Variants in MYADM observed in about 807,000 individuals in gnomAD.
MYADM encodes myeloid-associated differentiation marker.
For missense variants in MYADM, 416 were observed against 443.4 expected (o/e 0.94, Z 0.56); for synonymous variants, 224 against 210.2 (o/e 1.07, Z -0.57).
chr19:53,872,497 T>C (rs2068412021), intron 2 of MYADM, among the ~76,000 whole-genome samples: 1 of 151,160 alleles, frequency 6.6e-6, no homozygotes, highest in Non-Finnish European at 1.5e-5. Context: ...ACCCGGCCTA[T>C]TTGTAATTAA....
chr19:53,873,399 AAGCCCC>A lies in MYADM; in HGVS notation c.-2-127_-2-122del. ...AAAAAAAAAAAGAAAAGAAAACCGAAAGCCCCACATCTTGGGAACTCCCTAATTAGA... is the reference window on the plus strand; with the variant it reads ...AAAAAAAAAAAGAAAAGAAAACCGAAACATCTTGGGAACTCCCTAATTAGA... On this transcript the variant is annotated intron_variant, in intron 2 of 2. Transcript: ENST00000391770. This position sits in a 1 kb window ranked among gnomAD's most constrained non-coding sequence, Gnocchi z 4.3. The A allele has an allele frequency of 9.8e-7, 1 of 1,024,736 alleles. No individual in the cohort carries two copies. The highest frequency in any genetic ancestry group is 1.4e-6 in the Non-Finnish European group (1 of 702,416). 63.5% of individuals were successfully genotyped at this position (1,024,736 alleles called of 1,614,324 possible). A position where few individuals can be genotyped will look rare whatever the true frequency, so the allele number is the denominator to read the frequency against.
In MYADM at chr19:53,873,704, G is replaced by T; in HGVS notation, c.175G>T (p.Ala59Ser). 1 of 1,614,022 alleles carries T rather than the reference G, an allele frequency of 6.2e-7. No homozygotes were observed. Among genetic ancestry groups the T allele is most frequent in the Non-Finnish European group, 8.5e-7 (1 of 1,180,014 alleles). The change falls in exon 3 of 3, where the codon GCC becomes TCC. Residue 59 changes from alanine (A) to serine (S), a missense_variant. Physicochemically the swap from Ala to Ser is moderately conservative, Grantham distance 99. Coordinates refer to ENST00000391770, the MANE Select transcript of MYADM (RefSeq NM_138373.5). This position sits in a 1 kb window ranked among gnomAD's most constrained non-coding sequence, Gnocchi z 4.3. ...CTTCTCGCTGGTGGCTAGCGTGGGC[G>T]CCTGGACGGGGTCCATGGGCAACTG... is the stretch of plus-strand genomic sequence containing the variant. ...VAFSLVASVGAWTGSMGNWSM... is the reference protein window; with the variant it reads ...VAFSLVASVGSWTGSMGNWSM...
rs905944998 is a variant in MYADM at position 53,876,295 on chromosome 19, T to C, written c.*1797T>C. 1.2e-5 allele frequency: 2 copies of C among 164,104 alleles called. No homozygotes were observed. Among genetic ancestry groups the C allele is most frequent in the African/African-American group, 2.4e-5 (1 of 41,004 alleles). The allele number at this position is 164,104 out of a possible 1,614,324, so 10.2% of individuals were successfully genotyped here. A position where few individuals can be genotyped will look rare whatever the true frequency, so the allele number is the denominator to read the frequency against. ...ATATATATATATAAATGTATAAATATATATTTTATTTTTTTTTAAATCCCT... is the reference window on the plus strand; with the variant it reads ...ATATATATATATAAATGTATAAATACATATTTTATTTTTTTTTAAATCCCT... On this transcript the variant is annotated 3_prime_UTR_variant, in exon 3 of 3. Coordinates refer to ENST00000391770, the MANE Select transcript of MYADM (RefSeq NM_138373.5).
chr19:53,868,094 G>A lies in MYADM; in HGVS notation c.-88+151G>A, dbSNP rs1245764599. ...GGGGTTCTGCAGAGGAGAGGGCTGA[G>A]GACCTGGACTGTGGAGGTCATACGT... On this transcript the variant is annotated intron_variant, in intron 1 of 2. Transcript: ENST00000391770. This position sits in a 1 kb window ranked among gnomAD's most constrained non-coding sequence, Gnocchi z 6.3. Among the ~76,000 whole-genome samples the A allele has an allele frequency of 6.6e-6, 1 of 152,156 alleles. No homozygotes were observed. Among genetic ancestry groups the A allele is most frequent in the Admixed American group, 6.5e-5 (1 of 15,276 alleles).
Position 53,874,423 on chromosome 19 carries a change from C to T in MYADM, c.894C>T (p.Ile298=), listed in dbSNP as rs1372396087. Residue 298 remains isoleucine, a synonymous_variant, in exon 3 of 3, where the codon ATC becomes ATT. Transcript: ENST00000391770. ...CAWDRRLAVA[I]LTAINLLAYV... is the part of the protein sequence containing the mutation. ...GGGACCGCCGACTGGCTGTGGCCAT[C>T]CTGACGGCCATCAACCTACTGGCGT... 6.2e-7 allele frequency: 1 copy of T among 1,614,130 alleles called. No homozygotes were observed. Among genetic ancestry groups the T allele is most frequent in the Non-Finnish European group, 8.5e-7 (1 of 1,179,978 alleles).
In MYADM at chr19:53,874,216, C is replaced by G; in HGVS notation, c.687C>G (p.Thr229=). 1 of 1,613,178 alleles carries G rather than the reference C, an allele frequency of 6.2e-7. No individual in the cohort carries two copies. Among genetic ancestry groups the G allele is most frequent in the Non-Finnish European group, 8.5e-7 (1 of 1,179,398 alleles). ...IAILLNLGEC[T]NVLPIPFPSF... Reference sequence around the variant, plus strand: ...TCCTGCTGAACCTGGGGGAGTGCACCAACGTGCTACCCATCCCCTTCCCCA... The same window carrying G: ...TCCTGCTGAACCTGGGGGAGTGCACGAACGTGCTACCCATCCCCTTCCCCA... Residue 229 remains threonine (T), a synonymous_variant, in exon 3 of 3, where the codon ACC becomes ACG. Transcript: ENST00000391770.
rs772229229 is a variant in MYADM at position 53,873,807 on chromosome 19, G to A, written c.278G>A (p.Arg93His). ...GTGGAGCTGTGCGGGCTCCAGGCCCGCTTCCCCCTGTCTTGGCGCAACTTC... is the reference window on the plus strand; with the variant it reads ...GTGGAGCTGTGCGGGCTCCAGGCCCACTTCCCCCTGTCTTGGCGCAACTTC... The part of the protein sequence containing the change: ...LIVELCGLQA[R>H]FPLSWRNFPI... Residue 93 changes from arginine (R) to histidine (H), a missense_variant, in exon 3 of 3, where the codon CGC (arginine) becomes CAC (histidine). By Grantham distance (29) the Arg-to-His change is conservative. Coordinates refer to ENST00000391770, the MANE Select transcript of MYADM (RefSeq NM_138373.5). The surrounding 1 kb of genome is among the most constrained non-coding windows in gnomAD (Gnocchi z 4.3). 17 of 1,613,562 alleles carry A rather than the reference G, an allele frequency of 1.1e-5. No homozygotes were observed. Among genetic ancestry groups the A allele is most frequent in the African/African-American group, 6.7e-5 (5 of 74,936 alleles).
At position 53,875,398 on chromosome 19, in the gene MYADM, G is replaced by A. The variant is rs949880783; in HGVS notation, c.*900G>A. On this transcript the variant is annotated 3_prime_UTR_variant, in exon 3 of 3. Transcript: ENST00000391770. Reference sequence around the variant, plus strand: ...TTTAAGCACCGACCCTGGGTCCCTAGGCCCCGCCTGGCACTCAGCCTTGCC... The same window carrying A: ...TTTAAGCACCGACCCTGGGTCCCTAAGCCCCGCCTGGCACTCAGCCTTGCC... The A allele has an allele frequency of 1.8e-5, 3 of 166,848 alleles. No homozygotes were observed. The highest frequency in any genetic ancestry group is 4.8e-5 in the African/African-American group (2 of 41,342). The allele number at this position is 166,848 out of a possible 1,614,324, so 10.3% of individuals were successfully genotyped here.
chr19:53,871,741 G>A lies in MYADM; in HGVS notation c.-2-1787G>A, dbSNP rs899916720. Among the ~76,000 whole-genome samples, 7 of 152,024 alleles carry A rather than the reference G, an allele frequency of 4.6e-5. No individual in the cohort carries two copies. In the East Asian group the frequency reaches 1.3e-3, roughly 29 times the overall value. On this transcript the variant is annotated intron_variant, in intron 2 of 2. Transcript: ENST00000391770. The stretch of plus-strand genomic sequence containing the variant: ...ATGGAAGAAGGAAGTTTGCTCACAG[G>A]GTCTGGGGTGCAGAGCTCTGAATAC...
At position 53,874,164 on chromosome 19, in the gene MYADM, T is replaced by A. The variant is rs1462744444; in HGVS notation, c.635T>A (p.Ile212Asn). ...ALEWCVAVYA[I>N]CFILAAIAIL... ...GAGTGGTGCGTGGCGGTGTACGCCA[T>A]CTGCTTCATCCTAGCGGCCATCGCC... Residue 212 changes from isoleucine to asparagine, a missense_variant, in exon 3 of 3, where the codon ATC becomes AAC. Transcript: ENST00000391770. 1.2e-6 allele frequency: 2 copies of A among 1,613,818 alleles called. No homozygotes were observed. Among genetic ancestry groups the A allele is most frequent in the African/African-American group, 1.3e-5 (1 of 74,958 alleles).
In MYADM at chr19:53,874,304, C is replaced by T. The variant is rs2068471759; in HGVS notation, c.775C>T (p.Pro259Ser). ...CTATGCCACCGCCCTTGTTCTCTGG[C>T]CCCTCTACCAGTTCGATGAGAAGTA... ...LLYATALVLW[P>S]LYQFDEKYGG... Residue 259 changes from proline (P) to serine (S), a missense_variant, in exon 3 of 3, where the codon CCC (proline) becomes TCC (serine). Physicochemically the swap from Pro to Ser is moderately conservative, Grantham distance 74. Transcript: ENST00000391770. The T allele has an allele frequency of 6.2e-7, 1 of 1,610,766 alleles. No homozygotes were observed. Among genetic ancestry groups the T allele is most frequent in the Non-Finnish European group, 8.5e-7 (1 of 1,177,704 alleles).
In MYADM at chr19:53,873,553, C is replaced by T. The variant is rs1247339956; in HGVS notation, c.24C>T (p.Thr8=). Residue 8 remains threonine (T), a synonymous_variant, in exon 3 of 3, where the codon ACC becomes ACT. Coordinates refer to ENST00000391770, the MANE Select transcript of MYADM (RefSeq NM_138373.5). This position sits in a 1 kb window ranked among gnomAD's most constrained non-coding sequence, Gnocchi z 4.3. ...CCATGCCAGTGACGGTAACCCGCAC[C>T]ACCATCACAACCACCACGACGTCAT... The part of the protein sequence containing the change: MPVTVTR[T]TITTTTTSSS... The T allele has an allele frequency of 5.6e-6, 9 of 1,608,120 alleles. No homozygotes were observed. Among genetic ancestry groups the T allele is most frequent in the Non-Finnish European group, 7.7e-6 (9 of 1,176,102 alleles).
upstream of MYADM, chr19:53,867,786 C>A: frequency 6.5e-6 from 1 of 152,838 alleles, no homozygotes; most frequent in South Asian, 1.9e-4. Context: ...TCGGGGAAGT[C>A]CCTGTCCACC....
At chr19:53,867,308 C>G (rs906888777), upstream of MYADM, among the ~76,000 whole-genome samples, 1 of 152,110 alleles carries the variant, frequency 6.6e-6, no homozygotes, top group Non-Finnish European at 1.5e-5. Context: ...CCTCAGGGCT[C>G]CAAGAGACAG....
In MYADM at chr19:53,873,026, C is replaced by A. The variant is rs150138197; in HGVS notation, c.-2-502C>A. On this transcript the variant is annotated intron_variant, in intron 2 of 2. Coordinates refer to ENST00000391770, the MANE Select transcript of MYADM (RefSeq NM_138373.5). The surrounding 1 kb of genome is among the most constrained non-coding windows in gnomAD (Gnocchi z 4.3). ...CTGATACGAGTAGGGGAGGAGTGAG[C>A]CTTGAACCGGAGGGGACAGGCTCAT... Among the ~76,000 whole-genome samples the A allele has an allele frequency of 2.0e-5, 3 of 152,220 alleles. No homozygotes were observed. The highest frequency in any genetic ancestry group is 6.5e-5 in the Admixed American group (1 of 15,276).
upstream of MYADM, among the ~76,000 whole-genome samples, chr19:53,867,681 C>T (rs1270274904): frequency 2.0e-5 from 3 of 152,156 alleles, no homozygotes; most frequent in African/African-American, 7.2e-5. Context: ...CCACCCTGCT[C>T]ACTGGGGTGG....
upstream of MYADM, among the ~76,000 whole-genome samples, chr19:53,867,071 C>A (rs1212673556): frequency 4.6e-5 from 7 of 152,238 alleles, no homozygotes; most frequent in East Asian, 1.2e-3. Context: ...GAATTTTGCC[C>A]CCAACACACC....
In MYADM at chr19:53,873,592, G is replaced by A. The variant is rs775413220; in HGVS notation, c.63G>A (p.Gly21=). ...TTTTTSSSGL[G]SPMIVGSPRA... is the part of the protein sequence containing the mutation. ...CCACGACGTCATCTTCGGGCCTGGG[G>A]TCCCCCATGATCGTGGGGTCCCCTC... is the stretch of plus-strand genomic sequence containing the variant. Residue 21 remains glycine, a synonymous_variant, in exon 3 of 3, where the codon GGG becomes GGA. Transcript: ENST00000391770. This position sits in a 1 kb window ranked among gnomAD's most constrained non-coding sequence, Gnocchi z 4.3. 6 of 1,613,616 alleles carry A rather than the reference G, an allele frequency of 3.7e-6. No individual in the cohort carries two copies. Among genetic ancestry groups the A allele is most frequent in the Non-Finnish European group, 5.1e-6 (6 of 1,179,692 alleles).
At position 53,875,222 on chromosome 19, in the gene MYADM, G is replaced by A. The variant is rs1186704467; in HGVS notation, c.*724G>A. ...TACGTGTGTGTGTGTGTGTGTGTGT[G>A]TGTGTGTGTTTGGGGGGTGGGGGGT... is the stretch of plus-strand genomic sequence containing the variant. On this transcript the variant is annotated 3_prime_UTR_variant, in exon 3 of 3. Coordinates refer to ENST00000391770, the MANE Select transcript of MYADM (RefSeq NM_138373.5). 1 of 135,646 alleles carries A rather than the reference G, an allele frequency of 7.4e-6. No homozygotes were observed. The highest frequency in any genetic ancestry group is 2.8e-5 in the African/African-American group (1 of 35,584). The allele number at this position is 135,646 out of a possible 1,614,324, so 8.4% of individuals were successfully genotyped here. A position where few individuals can be genotyped will look rare whatever the true frequency, so the allele number is the denominator to read the frequency against.
Sources: gnomAD v4.1 joint callset for allele counts (sites outside exome capture counted in the v4.1 genomes callset) on GRCh38, gnomAD v4.1.1 for gene constraint, Gnocchi (gnomAD v3.1) non-coding constraint, MANE v1.5 for transcripts, NCBI Gene and HGNC (gene_info 2026-07-23, HGNC 2026-07-21) for gene names.